CATSPERD: variants seen among roughly 807,000 people sequenced by gnomAD.
The protein encoded by CATSPERD is catsper channel auxiliary subunit delta, also known as cation channel sperm-associated auxiliary subunit delta.
A neutral mutation model predicts 98.1 loss-of-function variants in CATSPERD; 86 were observed. The ratio of observed to expected loss-of-function variants is 0.88; its 90% confidence interval spans 0.74 to 1.05. CATSPERD has a LOEUF of 1.05. Ranked by LOEUF, CATSPERD falls within the 50% of genes least tolerant of loss-of-function variation. The pLI is 0.00. For synonymous variants in CATSPERD, 394 were observed against 390.2 expected, an observed-to-expected ratio of 1.01 and a Z score of -0.12; for missense variants, 995 against 1,005.7, an observed-to-expected ratio of 0.99 and a Z score of 0.14.
rs146743330 is a variant in CATSPERD at position 5,743,683 on chromosome 19, CCTCTCT to C, written c.574-725_574-720del. On this transcript the variant is annotated intron_variant, in intron 7 of 21. Transcript: ENST00000381624. ...CTCTCTCTTCCTCTCTCTCTCTCTTCCTCTCTCTCTCTCTCTCTCTCTCTGTCTCTG... is the reference window on the plus strand; with the variant it reads ...CTCTCTCTTCCTCTCTCTCTCTCTTCCTCTCTCTCTCTCTCTCTGTCTCTG... Among the ~76,000 whole-genome samples, 10 of 144,092 alleles carry C rather than the reference CCTCTCT, an allele frequency of 6.9e-5. 1 individual carries two copies. The highest frequency in any genetic ancestry group is 4.5e-4 in the South Asian group (2 of 4,466). The allele number at this position is 144,092 out of a possible 152,430, so 94.5% of individuals were successfully genotyped here. A position where few individuals can be genotyped will look rare whatever the true frequency, so the allele number is the denominator to read the frequency against.
At position 5,757,903 on chromosome 19, in the gene CATSPERD, A is replaced by G. The variant is rs759623273; in HGVS notation, c.1339A>G (p.Thr447Ala). The change falls in exon 14 of 22, where the codon ACA becomes GCA. Residue 447 changes from threonine (T) to alanine (A), a missense_variant. This residue lies in a region of CATSPERD where 762 missense variants were observed against 773.7 expected (regional missense o/e 0.98). Transcript: ENST00000381624. ...GGCCACCTTCTACGAGAACGGTTAC[A>G]CATCAGATGGGAACACCAAGTACAA... ...FQATFYENGY[T>A]SDGNTKYKLD... 11 of 1,613,048 alleles carry G rather than the reference A, an allele frequency of 6.8e-6. No individual in the cohort carries two copies. The African/African-American group carries it at 1.2e-4, about 18-fold the overall frequency.
At chr19:5,724,923 A>C in intron 2 of CATSPERD, 61 bp downstream of exon 2, 1 of 1,498,988 alleles carries the variant, frequency 6.7e-7, no homozygotes, top group South Asian at 1.1e-5. Context: ...ATCAGAGGTA[A>C]CACTTCCTGG....
intron 4 of CATSPERD, among the ~76,000 whole-genome samples, chr19:5,732,590 G>A (rs770031342): frequency 6.6e-5 from 10 of 151,590 alleles, no homozygotes; most frequent in African/African-American, 2.4e-4. Flanking sequence ...CCGCCACCAC[G>A]CCCGGCTAAT....
chr19:5,720,641 A>ATGCGCATGCGCAGGGCT lies in CATSPERD; in HGVS notation c.-95_-79dup. ...GGAGGCCCGCTCCCGGGACTCATTG[A>ATGCGCATGCGCAGGGCT]TGCGCATGCGCAGGGCTTCAGCCTG... On this transcript the variant is annotated 5_prime_UTR_variant, in exon 1 of 22. In the 5' UTR this introduces an upstream ATG that the reference lacks. Coordinates refer to ENST00000381624, the MANE Select transcript of CATSPERD (RefSeq NM_152784.4). 8.2e-7 allele frequency: 1 copy of ATGCGCATGCGCAGGGCT among 1,223,814 alleles called. No homozygotes were observed. Among genetic ancestry groups the ATGCGCATGCGCAGGGCT allele is most frequent in the Non-Finnish European group, 1.2e-6 (1 of 860,690 alleles). 75.8% of individuals were successfully genotyped at this position (1,223,814 alleles called of 1,614,324 possible). A position where few individuals can be genotyped will look rare whatever the true frequency, so the allele number is the denominator to read the frequency against.
intron 15 of CATSPERD, among the ~76,000 whole-genome samples, chr19:5,762,811 G>A (rs563243372): frequency 6.6e-6 from 1 of 151,902 alleles, no homozygotes; most frequent in East Asian, 1.9e-4. Flanking sequence ...GGATGAGATA[G>A]ATGGATGGAT....
At chr19:5,754,391 G>A in intron 13 of CATSPERD, 146 bp downstream of exon 13, 2 of 273,756 alleles carry the variant, frequency 7.3e-6, no homozygotes, top group South Asian at 4.6e-5. Context: ...TTGTCTCTGT[G>A]TCTTTTTTTT....
chr19:5,752,982 C>A, intron 12 of CATSPERD, among the ~76,000 whole-genome samples: 1 of 147,174 alleles, frequency 6.8e-6, no homozygotes, highest in East Asian at 2.0e-4. Flanking sequence ...GAGCCGAAAC[C>A]AAGCCACTGC....
rs551249162 is a variant in CATSPERD, at chr19:5,776,543, A to G, written c.2096+228A>G. On this transcript the variant is annotated intron_variant, in intron 21 of 21. Transcript: ENST00000381624. ...GTGCTGGGGGAACAGCAGTGACCAG[A>G]GGCTGTGCCGCTGCCCTGGCGCACC... Among the ~76,000 whole-genome samples the G allele has an allele frequency of 1.7e-3, 254 of 152,322 alleles. 1 individual carries two copies. Among genetic ancestry groups the G allele is most frequent in the African/African-American group, 6.0e-3 (250 of 41,588 alleles).
chr19:5,761,042 G>A (rs1003098525), intron 15 of CATSPERD, among the ~76,000 whole-genome samples: 19 of 146,394 alleles, frequency 1.3e-4, no homozygotes, highest in Non-Finnish European at 2.6e-4. Context: ...TTTTGTTTTT[G>A]TTTTTTTTTT....
At chr19:5,745,198 G>A (rs1034930315) in intron 8 of CATSPERD, among the ~76,000 whole-genome samples, 2 of 150,906 alleles carry the variant, frequency 1.3e-5, no homozygotes, top group African/African-American at 4.9e-5. Context: ...ACCCTCCGCC[G>A]CCGCGGCCTC....
rs371179154 is a variant in CATSPERD, at chr19:5,751,174, G to C, written c.988-473G>C. On this transcript the variant is annotated intron_variant, in intron 11 of 21. Coordinates refer to ENST00000381624, the MANE Select transcript of CATSPERD (RefSeq NM_152784.4). ...GATTGCGCCACTGCACTCCAGCCCA[G>C]GCGACAGAACAAGATTCCGTCTCAA... 5.0e-5 allele frequency among the ~76,000 whole-genome samples: 6 copies of C among 120,212 alleles called. No individual in the cohort carries two copies. In the East Asian group the frequency reaches 9.1e-4, roughly 18 times the overall value. 78.9% of individuals were successfully genotyped at this position (120,212 alleles called of 152,430 possible).
At chr19:5,733,343 T>C (rs1568343699) in intron 4 of CATSPERD, among the ~76,000 whole-genome samples, 2 of 132,012 alleles carry the variant, frequency 1.5e-5, no homozygotes, top group African/African-American at 2.7e-5. Context: ...TTCCTTTCTT[T>C]CTTTCTTCCT....
intron 19 of CATSPERD, among the ~76,000 whole-genome samples, chr19:5,772,586 C>T (rs1405309343): frequency 1.3e-5 from 2 of 152,048 alleles, no homozygotes; most frequent in African/African-American, 4.8e-5. Context: ...CTGCCCATCT[C>T]CCCATGCACC....
rs752543668 is a variant in CATSPERD at position 5,776,306 on chromosome 19, C to T, written c.2087C>T (p.Pro696Leu). 5.0e-5 allele frequency: 81 copies of T among 1,614,040 alleles called. 1 individual carries two copies. The highest frequency in any genetic ancestry group is 6.2e-5 in the Non-Finnish European group (73 of 1,180,018). The change falls in exon 21 of 22, where the codon CCG (proline) becomes CTG (leucine). Residue 696 changes from proline to leucine, a missense_variant. Pro to Leu is a moderately conservative substitution (Grantham distance 98, BLOSUM62 -3). This residue lies in a region of CATSPERD where 762 missense variants were observed against 773.7 expected (regional missense o/e 0.98). Coordinates refer to ENST00000381624, the MANE Select transcript of CATSPERD (RefSeq NM_152784.4). ...FYVFYISIVDPYYSYCQLETI... is the reference protein window; with the variant it reads ...FYVFYISIVDLYYSYCQLETI... Reference sequence around the variant, plus strand: ...GTCTTCTACATTTCGATCGTGGATCCGTACTACAGGTGAGTGGGCCCATCT... The same window carrying T: ...GTCTTCTACATTTCGATCGTGGATCTGTACTACAGGTGAGTGGGCCCATCT...
intron 17 of CATSPERD, 55 bp downstream of exon 17, chr19:5,766,210 G>T (rs1297870453): frequency 6.6e-7 from 1 of 1,518,618 alleles, no homozygotes; most frequent in Non-Finnish European, 9.0e-7. Context: ...CAGCACTTTG[G>T]GAGGCCGAGG....
chr19:5,736,972 G>A (rs1012169535), intron 5 of CATSPERD, among the ~76,000 whole-genome samples, 166 bp from the exon 6 acceptor site: 4 of 151,968 alleles, frequency 2.6e-5, no homozygotes, highest in Non-Finnish European at 4.4e-5. Flanking sequence ...CAGGAGAATG[G>A]CATGAACCCG....
chr19:5,776,130 G>C, intron 20 of CATSPERD, 31 bp from the exon 21 acceptor site: 1 of 1,609,404 alleles, frequency 6.2e-7, no homozygotes, highest in Non-Finnish European at 8.5e-7. Context: ...CCAGTCCCTA[G>C]GGCCAGTGGG....
chr19:5,746,837 C>A (rs1432205311), intron 9 of CATSPERD, among the ~76,000 whole-genome samples: 1 of 151,380 alleles, frequency 6.6e-6, no homozygotes, highest in African/African-American at 2.4e-5. Context: ...CAGTGTCTCA[C>A]TCTGTGGAGG....
intron 6 of CATSPERD, among the ~76,000 whole-genome samples, chr19:5,738,985 C>T (rs1270436178): frequency 1.3e-5 from 2 of 152,122 alleles, no homozygotes; most frequent in African/African-American, 2.4e-5. Context: ...GCCTCAGCCT[C>T]CCAAAGTGCT....
Sources: gnomAD v4.1 joint callset for allele counts (sites outside exome capture counted in the v4.1 genomes callset) on GRCh38, gnomAD v4.1.1 for gene constraint, gnomAD v4.1.1 regional missense constraint, MANE v1.5 for transcripts, NCBI Gene and HGNC (gene_info 2026-07-23, HGNC 2026-07-21) for gene names.